Variants in NAA38 observed in about 807,000 individuals in gnomAD.
NAA38 encodes LSM domain containing 1.
NAA38 carries 15 observed loss-of-function variants against 12.6 expected under a neutral mutation model. The ratio of observed to expected loss-of-function variants is 1.19; its 90% confidence interval spans 0.79 to 1.83. The LOEUF (loss-of-function observed/expected upper bound fraction) is 1.83, where lower values mean the gene tolerates loss of function less well. Ranked by LOEUF, NAA38 falls within the 40% of genes most tolerant of loss-of-function variation. The pLI, the probability that NAA38 is intolerant of heterozygous loss-of-function variation, is 0.00. For synonymous variants in NAA38, 88 were observed against 69.9 expected (o/e 1.26, Z -1.29); for missense variants, 183 against 171.7 (o/e 1.07, Z -0.37).
At chr17:7,859,793 T>G (rs146325540), upstream of NAA38, 830 of 597,622 alleles carry the variant, frequency 1.4e-3, 5 homozygotes, top group African/African-American at 0.014. Flanking sequence ...TACAGTTTGC[T>G]CTGAGAAAAT....
chr17:7,868,601 A>T (rs913922680), intron 2 of NAA38, among the ~76,000 whole-genome samples: 18 of 152,236 alleles, frequency 1.2e-4, no homozygotes, highest in African/African-American at 3.9e-4. Context: ...ATGCTACCTT[A>T]TAGTGTTGTT....
At chr17:7,874,839 T>G in intron 2 of NAA38, among the ~76,000 whole-genome samples, 1 of 142,724 alleles carries the variant, frequency 7.0e-6, no homozygotes, top group Admixed American at 7.6e-5. Flanking sequence ...GAACCAAGAT[T>G]GTGCCACTGC....
chr17:7,857,804 TC>T, upstream of NAA38: 1 of 1,317,856 alleles, frequency 7.6e-7, no homozygotes, highest in East Asian at 3.1e-5. Flanking sequence ...GTCCTAAATA[TC>T]CCATGTAGCC....
intron 3 of NAA38, chr17:7,866,128 C>T (rs998662494): frequency 1.2e-5 from 2 of 161,770 alleles, no homozygotes; most frequent in African/African-American, 5.0e-5. Context: ...GCTCTGTTGC[C>T]CAGGCTGGAG....
At position 7,857,328 on chromosome 17, in the gene NAA38, C is replaced by G. The variant is rs375927358; in HGVS notation, c.81+55G>C. 1.9e-6 allele frequency: 3 copies of G among 1,613,074 alleles called. No homozygotes were observed. The highest frequency in any genetic ancestry group is 2.2e-5 in the East Asian group (1 of 44,802). ...TGCCGGGAGCTGCAGTTCCCCACCC[C>G]CTCCATCTTGCTGCTTGACTGCCCC... On this transcript the variant is annotated intron_variant, in intron 1 of 2. Coordinates refer to ENST00000575771, the MANE Select transcript of NAA38 (RefSeq NM_001320925.4).
chr17:7,859,873 T>C, upstream of NAA38: 1 of 480,528 alleles, frequency 2.1e-6, no homozygotes, highest in African/African-American at 1.9e-5. Context: ...TAGAAGAGGA[T>C]AGTCAGAGTT....
At chr17:7,857,590 T>A, upstream of NAA38, 1 of 1,384,210 alleles carries the variant, frequency 7.2e-7, no homozygotes, top group South Asian at 1.8e-5. Context: ...CCTCCTAGTC[T>A]CCTCGGCAAC....
upstream of NAA38, chr17:7,859,896 TTTGA>T: frequency 2.3e-6 from 1 of 426,834 alleles, no homozygotes; most frequent in Non-Finnish European, 4.3e-6. Flanking sequence ...GGCAGAACTG[TTTGA>T]TAGTTAAGAG....
upstream of NAA38, chr17:7,857,831 A>C (rs776664198): frequency 1.3e-4 from 170 of 1,353,888 alleles, no homozygotes; most frequent in Non-Finnish European, 1.6e-4. Context: ...CACTGAATTA[A>C]AACGGAGCGT....
At chr17:7,861,227 G>C (rs376235961), upstream of NAA38, 141 of 152,206 alleles carry the variant, frequency 9.3e-4, no homozygotes, top group African/African-American at 3.2e-3. Flanking sequence ...GGACACCAGG[G>C]CCCAGCACAG....
intron 1 of NAA38, chr17:7,885,031 GCCGCCGCCGCCGCCGCCACCGCTGCCC>G (rs1230079685): frequency 7.2e-6 from 8 of 1,118,120 alleles, no homozygotes; most frequent in African/African-American, 5.1e-5. Context: ...TCTTCCCGCC[GCCGCCGCCGCCGCCGCCACCGCTGCCC>G]CCGCCGCCGC....
chr17:7,877,701 T>C (rs74439044), intron 2 of NAA38, among the ~76,000 whole-genome samples: 14,237 of 152,198 alleles, frequency 0.094, 1,008 homozygotes, highest in East Asian at 0.38. Context: ...TGGAACTCTG[T>C]GTCAAAAAAC....
chr17:7,867,977 G>A (rs561587059), intron 2 of NAA38, among the ~76,000 whole-genome samples: 8 of 152,332 alleles, frequency 5.3e-5, no homozygotes, highest in Admixed American at 3.9e-4. Context: ...CTTTGGGAAG[G>A]AAAGTGATGA....
At chr17:7,879,565 T>G (rs1052623920) in intron 2 of NAA38, among the ~76,000 whole-genome samples, 1 of 152,182 alleles carries the variant, frequency 6.6e-6, no homozygotes, top group African/African-American at 2.4e-5. Flanking sequence ...GAGAGTCCCT[T>G]AAAAATTTTT....
upstream of NAA38, chr17:7,859,829 AC>A: frequency 1.8e-6 from 1 of 554,290 alleles, no homozygotes; most frequent in East Asian, 3.1e-5. Flanking sequence ...TGGGAATGAT[AC>A]AAGAAGATCA....
chr17:7,875,984 T>C (rs903419353), intron 2 of NAA38, among the ~76,000 whole-genome samples: 2 of 152,368 alleles, frequency 1.3e-5, no homozygotes, highest in African/African-American at 4.8e-5. Context: ...CCATTCCTTT[T>C]TACGGCTGAA....
chr17:7,883,940 T>C (rs1967383964), intron 1 of NAA38, among the ~76,000 whole-genome samples: 1 of 152,094 alleles, frequency 6.6e-6, no homozygotes, highest in Non-Finnish European at 1.5e-5. Context: ...CTAGTTAACC[T>C]TTAACAATTT....
At chr17:7,875,264 T>C (rs1358317603) in intron 2 of NAA38, among the ~76,000 whole-genome samples, 2 of 152,154 alleles carry the variant, frequency 1.3e-5, no homozygotes, top group Non-Finnish European at 2.9e-5. Context: ...CAATCTTTAA[T>C]TGATATTTAA....
At chr17:7,858,141 C>T (rs551997363), upstream of NAA38, 4 of 1,613,480 alleles carry the variant, frequency 2.5e-6, no homozygotes, top group East Asian at 8.9e-5. Context: ...AGCCATGCCG[C>T]GCCGGGGCCT....
Sources: allele counts gnomAD v4.1 joint callset (sites outside exome capture counted in the v4.1 genomes callset), GRCh38; gene constraint gnomAD v4.1.1; transcripts MANE v1.5; gene names NCBI Gene and HGNC (gene_info 2026-07-23, HGNC 2026-07-21).